Variants in XIRP2 observed in about 807,000 individuals in gnomAD.
XIRP2 encodes xin actin-binding repeat-containing protein 2.
Under a neutral mutation model 277.0 loss-of-function variants are expected in XIRP2, and 236 were observed. That is an observed-to-expected ratio of 0.85 (90% confidence interval 0.77 to 0.95). The LOEUF (loss-of-function observed/expected upper bound fraction) is 0.95, where lower values mean the gene tolerates loss of function less well. Among genes scored for constraint, XIRP2 ranks in the 40% least tolerant of loss-of-function variants. XIRP2 has a pLI of 0.00. For missense variants in XIRP2, 4,640 were observed against 4,157.5 expected (o/e 1.12, Z -3.19); for synonymous variants, 1,490 against 1,416.5 (o/e 1.05, Z -1.17).
intron 2 of XIRP2, among the ~76,000 whole-genome samples, chr2:167,126,982 AT>A (rs1239560082): frequency 5.9e-5 from 9 of 152,116 alleles, no homozygotes; most frequent in Non-Finnish European, 1.2e-4. Context: ...TACTATTCAA[AT>A]TTTTTAGGAT....
intron 2 of XIRP2, among the ~76,000 whole-genome samples, chr2:167,086,520 T>A (rs573585121): frequency 3.3e-5 from 5 of 151,936 alleles, no homozygotes; most frequent in Admixed American, 2.0e-4. Context: ...TTCTCCTGGA[T>A]AATATCCTGC....
At chr2:166,888,916 G>A (rs1684026372) in intron 1 of XIRP2, among the ~76,000 whole-genome samples, 1 of 152,166 alleles carries the variant, frequency 6.6e-6, no homozygotes, top group African/African-American at 2.4e-5. Context: ...TTCTGGGGAA[G>A]AAATTTAACA....
At chr2:166,939,346 T>G (rs1304812699) in intron 2 of XIRP2, among the ~76,000 whole-genome samples, 1 of 152,084 alleles carries the variant, frequency 6.6e-6, no homozygotes, top group African/African-American at 2.4e-5. Context: ...CTCCTTCACT[T>G]ATGAAGCTTA....
chr2:166,953,154 A>C (rs554816313), intron 2 of XIRP2, among the ~76,000 whole-genome samples: 1 of 151,992 alleles, frequency 6.6e-6, no homozygotes, highest in East Asian at 2.0e-4. Flanking sequence ...ATGCTCTCCA[A>C]AGTGCAAATG....
In XIRP2 at chr2:166,899,499, T is replaced by A. The variant is rs371034114; in HGVS notation, c.-18-3966T>A. The stretch of plus-strand genomic sequence containing the variant: ...TGATATTTCAAGATTCCTTCTTTCA[T>A]CATTTCCTTTGTCATTCAAGAATAC... On this transcript the variant is annotated intron_variant, in intron 1 of 10. Coordinates refer to ENST00000409195, the MANE Select transcript of XIRP2 (RefSeq NM_152381.6). Among the ~76,000 whole-genome samples the A allele has an allele frequency of 1.1e-3, 174 of 152,286 alleles. 1 individual carries two copies. The highest frequency in any genetic ancestry group is 4.1e-3 in the African/African-American group (170 of 41,590).
chr2:167,254,748 T>C (rs895486622), intron 10 of XIRP2, among the ~76,000 whole-genome samples: 1 of 151,836 alleles, frequency 6.6e-6, no homozygotes, highest in African/African-American at 2.4e-5. Flanking sequence ...TAGAAAAATA[T>C]CAGTGACAGG....
Position 167,094,157 on chromosome 2 carries a change from T to G in XIRP2, c.409-41752T>G, listed in dbSNP as rs190012768. On this transcript the variant is annotated intron_variant, in intron 2 of 10. Coordinates refer to ENST00000409195, the MANE Select transcript of XIRP2 (RefSeq NM_152381.6). Reference sequence around the variant, plus strand: ...TTCATATACTATGCTCACTACTTGATGGGGTTGTTTGTTTTTTTCTTGTAA... The same window carrying G: ...TTCATATACTATGCTCACTACTTGAGGGGGTTGTTTGTTTTTTTCTTGTAA... 1.4e-4 allele frequency among the ~76,000 whole-genome samples: 22 copies of G among 151,984 alleles called. No individual in the cohort carries two copies. The East Asian group carries it at 3.9e-3, about 27-fold the overall frequency.
At chr2:167,165,876 A>G (rs993609769) in intron 3 of XIRP2, among the ~76,000 whole-genome samples, 2 of 152,136 alleles carry the variant, frequency 1.3e-5, no homozygotes, top group African/African-American at 4.8e-5. Context: ...CTCATGGATT[A>G]TGTTATTGAT....
In XIRP2 at chr2:167,067,244, A is replaced by G. The variant is rs148726067; in HGVS notation, c.409-68665A>G. On this transcript the variant is annotated intron_variant, in intron 2 of 10. Coordinates refer to ENST00000409195, the MANE Select transcript of XIRP2 (RefSeq NM_152381.6). ...ATTTTGGTATTTTTATAGCCTCTCC[A>G]TAATTTATTTTCAATATTTTCCATT... Among the ~76,000 whole-genome samples the G allele has an allele frequency of 8.2e-3, 1,244 of 152,044 alleles. 10 individuals carry two copies. Among genetic ancestry groups the G allele is most frequent in the Admixed American group, 0.012 (187 of 15,258 alleles).
chr2:167,257,964 A>G lies in XIRP2; in HGVS notation c.*147A>G, dbSNP rs1323733687. 13 of 1,613,034 alleles carry G rather than the reference A, an allele frequency of 8.1e-6. No homozygotes were observed. The highest frequency in any genetic ancestry group is 1.0e-5 in the Non-Finnish European group (12 of 1,179,458). ...GATGAAGGTTTTGGACATAAGCAGC[A>G]TAAAGATAGATGGAACTGCAAAAAC... On this transcript the variant is annotated 3_prime_UTR_variant, in exon 11 of 11. Coordinates refer to ENST00000409195, the MANE Select transcript of XIRP2 (RefSeq NM_152381.6).
chr2:167,023,173 T>A (rs964840597), intron 2 of XIRP2, among the ~76,000 whole-genome samples: 3 of 152,366 alleles, frequency 2.0e-5, no homozygotes, highest in South Asian at 2.1e-4. Flanking sequence ...GGTATCTCAT[T>A]GTGGTTTTCA....
intron 3 of XIRP2, among the ~76,000 whole-genome samples, chr2:167,142,772 G>A (rs114224304): frequency 0.04 from 6,113 of 152,136 alleles, 129 homozygotes; most frequent in Non-Finnish European, 0.05. Context: ...AAGTGCAGAC[G>A]GTGCTATGCC....
chr2:166,925,598 T>TATATATATATATATATATATATATATAC (rs1685164621), intron 2 of XIRP2, among the ~76,000 whole-genome samples: 9 of 37,338 alleles, frequency 2.4e-4, no homozygotes, highest in Non-Finnish European at 4.0e-4. Context: ...TGTATATACA[T>TATATATATATATATATATATATATATAC]ATATATATAT....
chr2:167,174,930 T>C (rs1245403042), intron 3 of XIRP2, among the ~76,000 whole-genome samples: 2 of 152,188 alleles, frequency 1.3e-5, no homozygotes, highest in African/African-American at 2.4e-5. Context: ...CTAATTTAAT[T>C]GCACTGTGGT....
intron 2 of XIRP2, among the ~76,000 whole-genome samples, chr2:167,120,724 T>G (rs1388085745): frequency 6.6e-6 from 1 of 152,172 alleles, no homozygotes; most frequent in Non-Finnish European, 1.5e-5. Context: ...GCTCTTATCT[T>G]AACAAAATCT....
At chr2:167,232,110 T>A (rs1694775334) in intron 5 of XIRP2, among the ~76,000 whole-genome samples, 2 of 152,030 alleles carry the variant, frequency 1.3e-5, no homozygotes, top group South Asian at 4.1e-4. Flanking sequence ...GAGCTGTGAC[T>A]GATATAAAGA....
chr2:167,242,514 G>A lies in XIRP2; in HGVS notation c.1177-55G>A, dbSNP rs1300120795. The A allele has an allele frequency of 2.6e-6, 4 of 1,533,958 alleles. No homozygotes were observed. In the South Asian group the frequency reaches 3.9e-5, roughly 15 times the overall value. On this transcript the variant is annotated intron_variant, in intron 8 of 10. Coordinates refer to ENST00000409195, the MANE Select transcript of XIRP2 (RefSeq NM_152381.6). ...CAGACCAATGAAGGGCAGTGCCTAG[G>A]AAGCCTCTGCCACTACACTCACCTT...
chr2:167,165,336 G>A (rs1440847889), intron 3 of XIRP2, among the ~76,000 whole-genome samples: 1 of 152,204 alleles, frequency 6.6e-6, no homozygotes, highest in Non-Finnish European at 1.5e-5. Context: ...GTAGACATTA[G>A]TTTTTAACTC....
intron 2 of XIRP2, among the ~76,000 whole-genome samples, chr2:167,079,055 G>GT (rs1291056790): frequency 6.6e-6 from 1 of 152,048 alleles, no homozygotes; most frequent in East Asian, 1.9e-4. Context: ...TTTCCTGAGG[G>GT]TTTTTATCAT....
Sources: gnomAD v4.1 joint callset for allele counts (sites outside exome capture counted in the v4.1 genomes callset) on GRCh38, gnomAD v4.1.1 for gene constraint, MANE v1.5 for transcripts, NCBI Gene and HGNC (gene_info 2026-07-23, HGNC 2026-07-21) for gene names.